B3GNT5: variants seen among roughly 807,000 people sequenced by gnomAD.
B3GNT5 encodes UDP-GlcNAc:betaGal beta-1,3-N-acetylglucosaminyltransferase 5, also known as lactosylceramide 1,3-N-acetyl-beta-D-glucosaminyltransferase.
B3GNT5 carries 11 observed loss-of-function variants against 25.9 expected under a neutral mutation model. The observed-to-expected ratio is 0.42, with a 90% CI of 0.27 to 0.70. B3GNT5 has a LOEUF of 0.70. Ranked by LOEUF, B3GNT5 falls within the 30% of genes least tolerant of loss-of-function variation. The pLI is 0.23. For synonymous variants in B3GNT5, 166 were observed against 158.6 expected, an observed-to-expected ratio of 1.05 and a Z score of -0.35; for missense variants, 385 against 458.4, an observed-to-expected ratio of 0.84 and a Z score of 1.46.
Position 183,267,846 on chromosome 3 carries a change from C to G in B3GNT5, c.-301-1652C>G, listed in dbSNP as rs1726310780. 1.3e-5 allele frequency among the ~76,000 whole-genome samples: 2 copies of G among 152,198 alleles called. No homozygotes were observed. Among genetic ancestry groups the G allele is most frequent in the South Asian group, 4.1e-4 (2 of 4,828 alleles). ...CCTGGCTAGGGTCCTGACCTCCAAT[C>G]CTTCCCCAGTAACCATCACTTTGAG... is the stretch of plus-strand genomic sequence containing the variant. On this transcript the variant is annotated intron_variant, in intron 1 of 1. Coordinates refer to ENST00000326505, the MANE Select transcript of B3GNT5 (RefSeq NM_032047.5). The surrounding 1 kb of genome is among the most constrained non-coding windows in gnomAD (Gnocchi z 5.5).
rs1025802640 is a variant in B3GNT5, at chr3:183,267,716, C to T, written c.-301-1782C>T. On this transcript the variant is annotated intron_variant, in intron 1 of 1. Transcript: ENST00000326505. The surrounding 1 kb of genome is among the most constrained non-coding windows in gnomAD (Gnocchi z 5.5). ...GGAAGTGTTTTACCTGTGGTAAGCA[C>T]GGGGGACAGAATTCTTGAGGAAGGA... 3.9e-5 allele frequency among the ~76,000 whole-genome samples: 6 copies of T among 152,260 alleles called. No individual in the cohort carries two copies. The highest frequency in any genetic ancestry group is 2.1e-4 in the South Asian group (1 of 4,824).
rs1202964270 is a variant in B3GNT5, at chr3:183,267,050, C to T, written c.-301-2448C>T. Among the ~76,000 whole-genome samples the T allele has an allele frequency of 2.0e-5, 3 of 152,066 alleles. No individual in the cohort carries two copies. Among genetic ancestry groups the T allele is most frequent in the Non-Finnish European group, 2.9e-5 (2 of 68,000 alleles). ...ATCCTCCTGCCTCGGCCTCCCAAAG[C>T]GCTAGGATTACAGGCGTGAGCCACC... On this transcript the variant is annotated intron_variant, in intron 1 of 1. Coordinates refer to ENST00000326505, the MANE Select transcript of B3GNT5 (RefSeq NM_032047.5). The surrounding 1 kb of genome is among the most constrained non-coding windows in gnomAD (Gnocchi z 5.5).
At position 183,267,159 on chromosome 3, in the gene B3GNT5, CAA is replaced by C. The variant is rs1726228302; in HGVS notation, c.-301-2336_-301-2335del. ...CCTGAACACACACACACAGAAAACC[CAA>C]AAGTTTCACAAAATGATTCTTGCTC... On this transcript the variant is annotated intron_variant, in intron 1 of 1. Coordinates refer to ENST00000326505, the MANE Select transcript of B3GNT5 (RefSeq NM_032047.5). This position sits in a 1 kb window ranked among gnomAD's most constrained non-coding sequence, Gnocchi z 5.5. Among the ~76,000 whole-genome samples, 1 of 152,098 alleles carries C rather than the reference CAA, an allele frequency of 6.6e-6. No homozygotes were observed. The highest frequency in any genetic ancestry group is 1.5e-5 in the Non-Finnish European group (1 of 68,028).
intron 1 of B3GNT5, among the ~76,000 whole-genome samples, chr3:183,262,499 G>A (rs1479822676): frequency 2.0e-5 from 3 of 151,958 alleles, no homozygotes; most frequent in Non-Finnish European, 2.9e-5. Context: ...TACTGACTAC[G>A]GAGTTTTTGG....
At chr3:183,265,643 C>T (rs1475817602) in intron 1 of B3GNT5, 1 of 152,238 alleles carries the variant, frequency 6.6e-6, no homozygotes, top group African/African-American at 2.4e-5. Flanking sequence ...CTGGGAAAGG[C>T]CTCCTAGTGA....
intron 1 of B3GNT5, among the ~76,000 whole-genome samples, chr3:183,269,229 G>GTTTTTTTTTTTT (rs1305607255): frequency 1.3e-5 from 1 of 77,020 alleles, no homozygotes; most frequent in African/African-American, 1.1e-4. Context: ...CGTTTGGGAA[G>GTTTTTTTTTTTT]CTTTTTTTTT....
Position 183,270,087 on chromosome 3 carries a change from G to T in B3GNT5, c.289G>T (p.Ala97Ser), listed in dbSNP as rs1560388730. ...DVLLLLFVKT[A>S]PENYDRRSGI... ...CCTCCTTTTACTGTTTGTAAAAACT[G>T]CTCCTGAAAACTATGATCGACGTTC... The change falls in exon 2 of 2, where the codon GCT becomes TCT. Residue 97 changes from alanine (A) to serine (S), a missense_variant. Coordinates refer to ENST00000326505, the MANE Select transcript of B3GNT5 (RefSeq NM_032047.5). This position sits in a 1 kb window ranked among gnomAD's most constrained non-coding sequence, Gnocchi z 4.5. The T allele has an allele frequency of 6.2e-7, 1 of 1,614,164 alleles. No homozygotes were observed. Among genetic ancestry groups the T allele is most frequent in the Non-Finnish European group, 8.5e-7 (1 of 1,180,038 alleles).
chr3:183,260,995 A>AT (rs1662095116), intron 1 of B3GNT5, among the ~76,000 whole-genome samples: 2 of 152,180 alleles, frequency 1.3e-5, no homozygotes, highest in African/African-American at 4.8e-5. Flanking sequence ...ATTAGGTAGA[A>AT]TTTCTTTTCT....
rs138389648 is a variant in B3GNT5 at position 183,266,855 on chromosome 3, C to T, written c.-301-2643C>T. On this transcript the variant is annotated intron_variant, in intron 1 of 1. Coordinates refer to ENST00000326505, the MANE Select transcript of B3GNT5 (RefSeq NM_032047.5). ...AGGCTGGAGTGCAGTGGCACGATCT[C>T]GGCTCATTGCAACCTCCACCTTCCT... is the stretch of plus-strand genomic sequence containing the variant. Among the ~76,000 whole-genome samples the T allele has an allele frequency of 8.2e-4, 124 of 151,478 alleles. 2 individuals carry two copies. The highest frequency in any genetic ancestry group is 2.9e-3 in the African/African-American group (121 of 41,216).
At chr3:183,259,371 G>T (rs1327522466) in intron 1 of B3GNT5, among the ~76,000 whole-genome samples, 2 of 151,978 alleles carry the variant, frequency 1.3e-5, no homozygotes, top group African/African-American at 4.8e-5. Context: ...TAAAGGGCTG[G>T]GTATGCATTT....
chr3:183,262,627 G>A (rs1725720262), intron 1 of B3GNT5, among the ~76,000 whole-genome samples: 1 of 151,872 alleles, frequency 6.6e-6, no homozygotes, highest in Admixed American at 6.6e-5. Flanking sequence ...GAGCCCATGA[G>A]GAGGCGGCCC....
chr3:183,264,450 A>C (rs1041164191), intron 1 of B3GNT5, among the ~76,000 whole-genome samples: 2 of 152,244 alleles, frequency 1.3e-5, no homozygotes, highest in African/African-American at 4.8e-5. Flanking sequence ...TCATGTGGGA[A>C]CTACGAGTCT....
At chr3:183,266,778 C>CAGTGTTTCA (rs1288293935) in intron 1 of B3GNT5, among the ~76,000 whole-genome samples, 1 of 151,578 alleles carries the variant, frequency 6.6e-6, no homozygotes, top group Admixed American at 6.6e-5. Flanking sequence ...TTCCTTAGAG[C>CAGTGTTTCA]AGTGTTTCAG....
At chr3:183,256,974 T>C (rs912733523) in intron 1 of B3GNT5, among the ~76,000 whole-genome samples, 2 of 152,202 alleles carry the variant, frequency 1.3e-5, no homozygotes, top group Non-Finnish European at 2.9e-5. Flanking sequence ...ATCAGATCAG[T>C]ATTTTTAAAA....
In B3GNT5 at chr3:183,272,311, G is replaced by C. The variant is rs1726847745; in HGVS notation, c.*1376G>C. ...CTACTGCTAGGGAGATTATATGAAG[G>C]CCAAAATAATGACTTCAGCAAGAGT... is the stretch of plus-strand genomic sequence containing the variant. On this transcript the variant is annotated 3_prime_UTR_variant, in exon 2 of 2. Coordinates refer to ENST00000326505, the MANE Select transcript of B3GNT5 (RefSeq NM_032047.5). 1 of 1,000,004 alleles carries C rather than the reference G, an allele frequency of 1.0e-6. No homozygotes were observed. The allele number at this position is 1,000,004 out of a possible 1,614,324, so 61.9% of individuals were successfully genotyped here.
Position 183,270,059 on chromosome 3 carries a change from C to T in B3GNT5, c.261C>T (p.Asp87=), listed in dbSNP as rs748115958. 11 of 1,614,018 alleles carry T rather than the reference C, an allele frequency of 6.8e-6. No individual in the cohort carries two copies. The highest frequency in any genetic ancestry group is 4.4e-5 in the South Asian group (4 of 91,084). ...ACAAGGAAAAGTGTCAAGCTCAAGA[C>T]GTCCTCCTTTTACTGTTTGTAAAAA... is the stretch of plus-strand genomic sequence containing the variant. ...INHKEKCQAQ[D]VLLLLFVKTA... Residue 87 remains aspartate, a synonymous_variant, in exon 2 of 2, where the codon GAC becomes GAT. Transcript: ENST00000326505. This position sits in a 1 kb window ranked among gnomAD's most constrained non-coding sequence, Gnocchi z 4.5.
intron 1 of B3GNT5, among the ~76,000 whole-genome samples, chr3:183,259,493 T>C (rs935471387): frequency 3.3e-5 from 5 of 152,232 alleles, no homozygotes; most frequent in African/African-American, 1.2e-4. Context: ...TTACGTGTCA[T>C]TTTATGAGCT....
At chr3:183,266,113 T>C (rs1726092699) in intron 1 of B3GNT5, 1 of 152,210 alleles carries the variant, frequency 6.6e-6, no homozygotes, top group South Asian at 2.1e-4. Context: ...ACAGCAGCAA[T>C]GCACCAACCT....
intron 1 of B3GNT5, among the ~76,000 whole-genome samples, chr3:183,263,908 T>A (rs1725851979): frequency 6.6e-6 from 1 of 152,178 alleles, no homozygotes; most frequent in African/African-American, 2.4e-5. Flanking sequence ...GCCTTCTTTA[T>A]GCCTTCCTTC....
Sources: allele counts gnomAD v4.1 joint callset (sites outside exome capture counted in the v4.1 genomes callset), GRCh38; gene constraint gnomAD v4.1.1; non-coding constraint Gnocchi (gnomAD v3.1); transcripts MANE v1.5; gene names NCBI Gene and HGNC (gene_info 2026-07-23, HGNC 2026-07-21).